Variants in TMEM178B observed in about 807,000 individuals in gnomAD.
TMEM178B encodes the protein transmembrane protein 178B.
In TMEM178B, 5 loss-of-function variants were observed where a neutral mutation model predicts 31.0. That is an observed-to-expected ratio of 0.16 (90% confidence interval 0.08 to 0.34). TMEM178B has a LOEUF of 0.34. Among genes scored for constraint, TMEM178B ranks in the 10% least tolerant of loss-of-function variants. The probability of loss-of-function intolerance (pLI) is 1.00; values close to 1 mark genes in which losing one functional copy is unlikely to be tolerated. For missense variants in TMEM178B, 275 were observed against 400.3 expected, an observed-to-expected ratio of 0.69 and a Z score of 2.67; for synonymous variants, 164 against 164.0, an observed-to-expected ratio of 1.00 and a Z score of 0.00.
chr7:141,361,008 A>G (rs1256999811), intron 2 of TMEM178B, among the ~76,000 whole-genome samples: 1 of 152,200 alleles, frequency 6.6e-6, no homozygotes, highest in Non-Finnish European at 1.5e-5. Flanking sequence ...CAAGAAGGGA[A>G]CAATCAATGA....
chr7:141,392,736 C>G (rs1800568256), intron 2 of TMEM178B, among the ~76,000 whole-genome samples: 1 of 151,868 alleles, frequency 6.6e-6, no homozygotes, highest in Non-Finnish European at 1.5e-5. Context: ...AAGGGAGTCT[C>G]TGGAGGTTTT....
At chr7:141,214,647 G>A (rs758090972) in intron 2 of TMEM178B, among the ~76,000 whole-genome samples, 1 of 152,160 alleles carries the variant, frequency 6.6e-6, no homozygotes, top group Non-Finnish European at 1.5e-5. Flanking sequence ...GGGAGGCATC[G>A]CTGGAAACAT....
chr7:141,211,109 G>GC (rs1337321778), intron 1 of TMEM178B, among the ~76,000 whole-genome samples: 4 of 152,234 alleles, frequency 2.6e-5, no homozygotes, highest in Admixed American at 2.0e-4. Context: ...AACAAGTTTT[G>GC]CAAGTTAAGG....
intron 2 of TMEM178B, among the ~76,000 whole-genome samples, chr7:141,291,099 T>C (rs1473588300): frequency 6.6e-6 from 1 of 152,074 alleles, no homozygotes. Flanking sequence ...TGTAATAGAG[T>C]GAGGCCTCCA....
chr7:141,294,732 GAGAGAATATAGAGA>G (rs1315735610), intron 2 of TMEM178B, among the ~76,000 whole-genome samples: 1 of 152,144 alleles, frequency 6.6e-6, no homozygotes, highest in Non-Finnish European at 1.5e-5. Flanking sequence ...CAGACTCCTT[GAGAGAATATAGAGA>G]AGAGAATAGA....
intron 1 of TMEM178B, among the ~76,000 whole-genome samples, chr7:141,098,331 A>G (rs1431311964): frequency 6.6e-6 from 1 of 152,262 alleles, no homozygotes; most frequent in Non-Finnish European, 1.5e-5. Context: ...GATTAAATAC[A>G]GAACTGCCCT....
At chr7:141,075,005 A>G (rs1485761195) in intron 1 of TMEM178B, among the ~76,000 whole-genome samples, 1 of 152,234 alleles carries the variant, frequency 6.6e-6, no homozygotes, top group East Asian at 1.9e-4. Context: ...GGAATCTGGA[A>G]CGTTGTTTGT....
At chr7:141,097,789 C>CTT (rs1307832280) in intron 1 of TMEM178B, among the ~76,000 whole-genome samples, 102 of 136,530 alleles carry the variant, frequency 7.5e-4, no homozygotes, top group African/African-American at 3.0e-3. Flanking sequence ...CTTTTTCTTT[C>CTT]TTTCTTTTTT....
intron 2 of TMEM178B, among the ~76,000 whole-genome samples, chr7:141,279,687 G>T (rs1798323575): frequency 6.6e-6 from 1 of 152,214 alleles, no homozygotes; most frequent in Non-Finnish European, 1.5e-5. Flanking sequence ...CTCAGGTGGG[G>T]TTCTGCTAGG....
intron 1 of TMEM178B, among the ~76,000 whole-genome samples, chr7:141,120,841 T>G (rs1469776469): frequency 6.6e-6 from 1 of 151,938 alleles, no homozygotes; most frequent in Non-Finnish European, 1.5e-5. Flanking sequence ...ACCTGTAGTT[T>G]CGGCTGCTTC....
chr7:141,395,614 C>T (rs923236371), intron 2 of TMEM178B, among the ~76,000 whole-genome samples: 3 of 152,140 alleles, frequency 2.0e-5, no homozygotes, highest in African/African-American at 7.2e-5. Context: ...TCCCCAAGGC[C>T]TCCCTGCCAG....
intron 3 of TMEM178B, among the ~76,000 whole-genome samples, chr7:141,469,560 T>G (rs113948350): frequency 0.019 from 2,970 of 152,316 alleles, 99 homozygotes; most frequent in African/African-American, 0.064. Flanking sequence ...TCCTTTTTCT[T>G]CCTTCCATTG....
At chr7:141,395,248 G>A (rs1800616131) in intron 2 of TMEM178B, among the ~76,000 whole-genome samples, 1 of 151,990 alleles carries the variant, frequency 6.6e-6, no homozygotes, top group Admixed American at 6.6e-5. Context: ...TTCCAAACCT[G>A]GGCAATATGG....
chr7:141,255,927 A>G (rs1179800947), intron 2 of TMEM178B, among the ~76,000 whole-genome samples: 5 of 152,120 alleles, frequency 3.3e-5, no homozygotes, highest in Non-Finnish European at 5.9e-5. Context: ...TCTGCTGAGG[A>G]TACTTACATT....
At chr7:141,267,479 C>T (rs542192688) in intron 2 of TMEM178B, among the ~76,000 whole-genome samples, 7 of 152,126 alleles carry the variant, frequency 4.6e-5, no homozygotes, top group African/African-American at 7.2e-5. Flanking sequence ...ATCATATTGT[C>T]GGCTCCCCTC....
intron 2 of TMEM178B, among the ~76,000 whole-genome samples, chr7:141,303,521 G>A (rs989991117): frequency 2.0e-5 from 3 of 152,198 alleles, no homozygotes; most frequent in Non-Finnish European, 4.4e-5. Context: ...CAAACCTGAC[G>A]AGCTGCGTGC....
intron 2 of TMEM178B, among the ~76,000 whole-genome samples, chr7:141,417,418 C>A (rs1229579771): frequency 6.6e-6 from 1 of 152,168 alleles, no homozygotes; most frequent in Non-Finnish European, 1.5e-5. Flanking sequence ...GGTGTCTTAC[C>A]CATCTTTGTC....
chr7:141,494,360 T>C, the TMEM178B span, among the ~76,000 whole-genome samples: 2 of 152,214 alleles, frequency 1.3e-5, no homozygotes, highest in South Asian at 2.1e-4. Context: ...CCTATTCCTT[T>C]CTTCTCATCC....
intron 2 of TMEM178B, among the ~76,000 whole-genome samples, chr7:141,336,909 T>TCACCACCACCACCACCACCACCATCAC: frequency 2.1e-5 from 1 of 46,774 alleles, no homozygotes; most frequent in South Asian, 9.7e-4. Context: ...ACCACCATCA[T>TCACCACCACCACCACCACCACCATCAC]CACCACCACC....
Sources: gnomAD v4.1 joint callset for allele counts (sites outside exome capture counted in the v4.1 genomes callset) on GRCh38, gnomAD v4.1.1 for gene constraint, MANE v1.5 for transcripts, NCBI Gene and HGNC (gene_info 2026-07-23, HGNC 2026-07-21) for gene names.